The following RGS4 variants were observed in gnomAD, a reference collection of about 807,000 sequenced individuals.
RGS4 encodes schizophrenia disorder 9.
RGS4 carries 15 observed loss-of-function variants against 21.6 expected under a neutral mutation model. That is an observed-to-expected ratio of 0.69 (90% confidence interval 0.46 to 1.07). RGS4 has a LOEUF of 1.07. Among genes scored for constraint, RGS4 ranks in the 50% least tolerant of loss-of-function variants. The probability of loss-of-function intolerance (pLI) is 0.00; values close to 1 mark genes in which losing one functional copy is unlikely to be tolerated. For synonymous variants in RGS4, 94 were observed against 85.5 expected, an observed-to-expected ratio of 1.10 and a Z score of -0.55; for missense variants, 237 against 239.0, an observed-to-expected ratio of 0.99 and a Z score of 0.06.
At position 163,074,723 on chromosome 1, in the gene RGS4, A is replaced by G. The variant is rs568575440; in HGVS notation, c.*163A>G. The stretch of plus-strand genomic sequence containing the variant: ...TCACTTCTACGCATAAACTAGATAT[A>G]GCTTTTGGTGTTTGAGTGTTCATCA... On this transcript the variant is annotated 3_prime_UTR_variant, in exon 5 of 5. Coordinates refer to ENST00000367909, the MANE Select transcript of RGS4 (RefSeq NM_005613.6). 4.4e-3 allele frequency: 4,613 copies of G among 1,043,942 alleles called. 17 individuals are homozygous for G. Among genetic ancestry groups the G allele is most frequent in the Non-Finnish European group, 5.5e-3 (3,787 of 689,946 alleles). The allele number at this position is 1,043,942 out of a possible 1,614,324, so 64.7% of individuals were successfully genotyped here.
In RGS4 at chr1:163,075,999, T is replaced by C. The variant is rs1655483714; in HGVS notation, c.*1439T>C. 6.6e-6 allele frequency: 1 copy of C among 152,580 alleles called. No homozygotes were observed. The highest frequency in any genetic ancestry group is 2.1e-4 in the South Asian group (1 of 4,826). 9.5% of individuals were successfully genotyped at this position (152,580 alleles called of 1,614,324 possible). On this transcript the variant is annotated 3_prime_UTR_variant, in exon 5 of 5. Coordinates refer to ENST00000367909, the MANE Select transcript of RGS4 (RefSeq NM_005613.6). ...GTCTAACCAATTGTGAGAATTACTG[T>C]TTGAAACTTTTCAAGGCACATTGAA...
Position 163,074,722 on chromosome 1 carries a change from T to C in RGS4, c.*162T>C, listed in dbSNP as rs548554795. On this transcript the variant is annotated 3_prime_UTR_variant, in exon 5 of 5. Transcript: ENST00000367909. ...GTCACTTCTACGCATAAACTAGATA[T>C]AGCTTTTGGTGTTTGAGTGTTCATC... 5.8e-6 allele frequency: 6 copies of C among 1,040,872 alleles called. No homozygotes were observed. The highest frequency in any genetic ancestry group is 8.7e-6 in the Non-Finnish European group (6 of 687,196). 64.5% of individuals were successfully genotyped at this position (1,040,872 alleles called of 1,614,324 possible).
At chr1:163,068,981 G>A, upstream of RGS4, 1 of 1,606,576 alleles carries the variant, frequency 6.2e-7, no homozygotes, top group Middle Eastern at 1.7e-4. Context: ...GGCATTGGGA[G>A]TCAGCTCCTA....
chr1:163,072,485 G>A lies in RGS4; in HGVS notation c.135G>A (p.Val45=). The A allele has an allele frequency of 1.2e-6, 2 of 1,611,286 alleles. No individual in the cohort carries two copies. Among genetic ancestry groups the A allele is most frequent in the South Asian group, 2.2e-5 (2 of 91,016 alleles). The change falls in exon 2 of 5, where the codon GTG becomes GTA. Residue 45 remains valine (V), a synonymous_variant. Coordinates refer to ENST00000367909, the MANE Select transcript of RGS4 (RefSeq NM_005613.6). Reference sequence around the variant, plus strand: ...CTTCCCACAACAAGAAGGACAAAGTGGTTATTTGCCAGAGGTAAGAGAAAA... The same window carrying A: ...CTTCCCACAACAAGAAGGACAAAGTAGTTATTTGCCAGAGGTAAGAGAAAA... The part of the protein sequence containing the change: ...HNSSHNKKDK[V]VICQRVSQEE...
At position 163,074,521 on chromosome 1, in the gene RGS4, T is replaced by G. The variant is rs1262575467; in HGVS notation, c.579T>G (p.Ser193Arg). The G allele has an allele frequency of 5.6e-6, 9 of 1,613,562 alleles. No individual in the cohort carries two copies. The highest frequency in any genetic ancestry group is 7.6e-6 in the Non-Finnish European group (9 of 1,179,850). Residue 193 changes from serine to arginine, a missense_variant, in exon 5 of 5, where the codon AGT (serine) becomes AGG (arginine). Ser to Arg is a moderately radical substitution (Grantham distance 110). Coordinates refer to ENST00000367909, the MANE Select transcript of RGS4 (RefSeq NM_005613.6). ...CAGAAAAGCAGAAAGGAGCCAAGAG[T>G]TCAGCAGACTGTGCTTCCCTGGTCC... Reference protein sequence around the residue: ...CGAEKQKGAKSSADCASLVPQ... With the variant: ...CGAEKQKGAKRSADCASLVPQ...
Position 163,074,983 on chromosome 1 carries a change from C to A in RGS4, c.*423C>A. 1 of 450,930 alleles carries A rather than the reference C, an allele frequency of 2.2e-6. No homozygotes were observed. The highest frequency in any genetic ancestry group is 4.0e-6 in the Non-Finnish European group (1 of 249,838). The allele number at this position is 450,930 out of a possible 1,614,324, so 27.9% of individuals were successfully genotyped here. A position where few individuals can be genotyped will look rare whatever the true frequency, so the allele number is the denominator to read the frequency against. On this transcript the variant is annotated 3_prime_UTR_variant, in exon 5 of 5. Coordinates refer to ENST00000367909, the MANE Select transcript of RGS4 (RefSeq NM_005613.6). Reference sequence around the variant, plus strand: ...CTCTAGATGTTTAGATGAGGTTGAGCTATGATATGTGCTTGTGTGTATGTC... The same window carrying A: ...CTCTAGATGTTTAGATGAGGTTGAGATATGATATGTGCTTGTGTGTATGTC...
chr1:163,073,599 A>C lies in RGS4; in HGVS notation c.355A>C (p.Ile119Leu), dbSNP rs1655396560. 1.2e-6 allele frequency: 2 copies of C among 1,603,316 alleles called. No homozygotes were observed. Among genetic ancestry groups the C allele is most frequent in the African/African-American group, 1.3e-5 (1 of 74,294 alleles). ...PKAKKIYNEF[I>L]SVQATKEVNL... ...GGCCAAAAAGATCTATAATGAATTCATCTCAGTCCAGGCAACCAAAGAGGT... is the reference window on the plus strand; with the variant it reads ...GGCCAAAAAGATCTATAATGAATTCCTCTCAGTCCAGGCAACCAAAGAGGT... Residue 119 changes from isoleucine to leucine, a missense_variant, in exon 4 of 5, where the codon ATC becomes CTC. Ile to Leu is a conservative substitution (Grantham distance 5). Coordinates refer to ENST00000367909, the MANE Select transcript of RGS4 (RefSeq NM_005613.6).
chr1:163,074,567 C>T lies in RGS4; in HGVS notation c.*7C>T, dbSNP rs746023897. The T allele has an allele frequency of 5.0e-6, 8 of 1,613,780 alleles. No individual in the cohort carries two copies. In the East Asian group the frequency reaches 6.7e-5, roughly 13 times the overall value. ...GGTCCCTCAGTGTGCCTAATTCTCA[C>T]CTGAAGGCAGAGGGATGAAATGCCA... On this transcript the variant is annotated 3_prime_UTR_variant, in exon 5 of 5. Coordinates refer to ENST00000367909, the MANE Select transcript of RGS4 (RefSeq NM_005613.6).
At position 163,076,636 on chromosome 1, in the gene RGS4, T is replaced by C. The variant is rs975473379; in HGVS notation, c.*2076T>C. 2.6e-5 allele frequency: 4 copies of C among 152,382 alleles called. No homozygotes were observed. Among genetic ancestry groups the C allele is most frequent in the East Asian group, 1.9e-4 (1 of 5,190 alleles). 9.4% of individuals were successfully genotyped at this position (152,382 alleles called of 1,614,324 possible). Reference sequence around the variant, plus strand: ...TCAGTTGTATTTCCCTGTTATTTCATCACTATTTCCAATGGTGAGCTTGCC... The same window carrying C: ...TCAGTTGTATTTCCCTGTTATTTCACCACTATTTCCAATGGTGAGCTTGCC... On this transcript the variant is annotated 3_prime_UTR_variant, in exon 5 of 5. Coordinates refer to ENST00000367909, the MANE Select transcript of RGS4 (RefSeq NM_005613.6).
At position 163,074,598 on chromosome 1, in the gene RGS4, C is replaced by G. The variant is rs768614270; in HGVS notation, c.*38C>G. The G allele has an allele frequency of 1.2e-6, 2 of 1,613,734 alleles. No homozygotes were observed. The highest frequency in any genetic ancestry group is 8.5e-7 in the Non-Finnish European group (1 of 1,179,790). On this transcript the variant is annotated 3_prime_UTR_variant, in exon 5 of 5. Coordinates refer to ENST00000367909, the MANE Select transcript of RGS4 (RefSeq NM_005613.6). ...GGCAGAGGGATGAAATGCCAAGACTCTATGCTCTGGAAAACCTGAGGCCAA... is the reference window on the plus strand; with the variant it reads ...GGCAGAGGGATGAAATGCCAAGACTGTATGCTCTGGAAAACCTGAGGCCAA...
At chr1:163,071,862 C>CA (rs1553205254) in intron 1 of RGS4, 1 of 25,828 alleles carries the variant, frequency 3.9e-5, no homozygotes, top group African/African-American at 1.2e-4. Context: ...CTTGCCCCCC[C>CA]CCCCCCCCCC....
rs1655438599 is a variant in RGS4 at position 163,074,656 on chromosome 1, C to A, written c.*96C>A. On this transcript the variant is annotated 3_prime_UTR_variant, in exon 5 of 5. Coordinates refer to ENST00000367909, the MANE Select transcript of RGS4 (RefSeq NM_005613.6). ...TCTGTATTAAGCTCCAGTGCTTTAT[C>A]CACATTGTAGCCTAATATTCATGCT... 1.3e-6 allele frequency: 2 copies of A among 1,539,244 alleles called. No individual in the cohort carries two copies. The highest frequency in any genetic ancestry group is 2.3e-5 in the East Asian group (1 of 44,426).
rs1231542675 is a variant in RGS4, at chr1:163,075,247, C to CT, written c.*688dup. 1 of 152,796 alleles carries CT rather than the reference C, an allele frequency of 6.5e-6. No homozygotes were observed. The highest frequency in any genetic ancestry group is 1.5e-5 in the Non-Finnish European group (1 of 68,522). 9.5% of individuals were successfully genotyped at this position (152,796 alleles called of 1,614,324 possible). A position where few individuals can be genotyped will look rare whatever the true frequency, so the allele number is the denominator to read the frequency against. ...CTACATTTGAACAGGGCAAAATGAA[C>CT]TAACTGCCATGTAGGCTAAGAAAGA... On this transcript the variant is annotated 3_prime_UTR_variant, in exon 5 of 5. Coordinates refer to ENST00000367909, the MANE Select transcript of RGS4 (RefSeq NM_005613.6).
chr1:163,071,117 T>C (rs1169175822), intron 1 of RGS4, among the ~76,000 whole-genome samples: 1 of 152,332 alleles, frequency 6.6e-6, no homozygotes, highest in East Asian at 1.9e-4. Context: ...CTATTTGGAC[T>C]TCATGATATA....
chr1:163,074,524 A>G lies in RGS4; in HGVS notation c.582A>G (p.Ser194=). Residue 194 remains serine (S), a synonymous_variant, in exon 5 of 5, where the codon TCA becomes TCG. Coordinates refer to ENST00000367909, the MANE Select transcript of RGS4 (RefSeq NM_005613.6). ...GAEKQKGAKS[S]ADCASLVPQC... Reference sequence around the variant, plus strand: ...AAAAGCAGAAAGGAGCCAAGAGTTCAGCAGACTGTGCTTCCCTGGTCCCTC... The same window carrying G: ...AAAAGCAGAAAGGAGCCAAGAGTTCGGCAGACTGTGCTTCCCTGGTCCCTC... The G allele has an allele frequency of 1.2e-6, 2 of 1,613,964 alleles. No homozygotes were observed. Among genetic ancestry groups the G allele is most frequent in the Non-Finnish European group, 1.7e-6 (2 of 1,179,896 alleles).
rs779683036 is a variant in RGS4 at position 163,076,421 on chromosome 1, T to A, written c.*1861T>A. 4 of 152,582 alleles carry A rather than the reference T, an allele frequency of 2.6e-5. No homozygotes were observed. Among genetic ancestry groups the A allele is most frequent in the Non-Finnish European group, 5.9e-5 (4 of 68,032 alleles). 9.5% of individuals were successfully genotyped at this position (152,582 alleles called of 1,614,324 possible). A position where few individuals can be genotyped will look rare whatever the true frequency, so the allele number is the denominator to read the frequency against. ...GTTCCTCATCAGTGTCATTTTCTGT[T>A]ATACACAGTTCCACAATTTTGTCTC... On this transcript the variant is annotated 3_prime_UTR_variant, in exon 5 of 5. Transcript: ENST00000367909.
Position 163,073,527 on chromosome 1 carries a change from T to C in RGS4, c.283T>C (p.Cys95Arg). 5 of 1,611,418 alleles carry C rather than the reference T, an allele frequency of 3.1e-6. No homozygotes were observed. Among genetic ancestry groups the C allele is most frequent in the Non-Finnish European group, 4.2e-6 (5 of 1,178,842 alleles). ...GGAGAATATTGACTTCTGGATCAGC[T>C]GTGAAGAGTACAAGAAAATCAAATC... ...SEENIDFWISCEEYKKIKSPS... is the reference protein window; with the variant it reads ...SEENIDFWISREEYKKIKSPS... Residue 95 changes from cysteine to arginine, a missense_variant, in exon 4 of 5, where the codon TGT (cysteine) becomes CGT (arginine). Physicochemically the swap from Cys to Arg is radical, Grantham distance 180. Coordinates refer to ENST00000367909, the MANE Select transcript of RGS4 (RefSeq NM_005613.6).
intron 2 of RGS4, 21 bp from the exon 3 acceptor site, chr1:163,072,784 G>A (rs201250643): frequency 4.0e-5 from 64 of 1,606,398 alleles, no homozygotes; most frequent in African/African-American, 9.4e-5. Flanking sequence ...CAATTATTCT[G>A]TTTCTCTCTA....
rs567536966 is a variant in RGS4, at chr1:163,073,575, G to T, written c.331G>T (p.Ala111Ser). ...IKSPSKLSPK[A>S]KKIYNEFISV... is the part of the protein sequence containing the mutation. ...ATCACCATCTAAACTAAGTCCCAAG[G>T]CCAAAAAGATCTATAATGAATTCAT... Residue 111 changes from alanine to serine, a missense_variant, in exon 4 of 5, where the codon GCC becomes TCC. Physicochemically the swap from Ala to Ser is moderately conservative, Grantham distance 99. Coordinates refer to ENST00000367909, the MANE Select transcript of RGS4 (RefSeq NM_005613.6). 2 of 1,610,466 alleles carry T rather than the reference G, an allele frequency of 1.2e-6. No individual in the cohort carries two copies. The highest frequency in any genetic ancestry group is 2.7e-5 in the African/African-American group (2 of 74,614).
Sources: gnomAD v4.1 joint callset for allele counts (sites outside exome capture counted in the v4.1 genomes callset) on GRCh38, gnomAD v4.1.1 for gene constraint, MANE v1.5 for transcripts, NCBI Gene and HGNC (gene_info 2026-07-23, HGNC 2026-07-21) for gene names.